Variants in PCDHGA5 observed in about 807,000 individuals in gnomAD.
PCDHGA5 encodes protocadherin gamma-A5.
A neutral mutation model predicts 56.7 loss-of-function variants in PCDHGA5; 36 were observed. The ratio of observed to expected loss-of-function variants is 0.64; its 90% CI spans 0.49 to 0.84. PCDHGA5 has a LOEUF of 0.84. Ranked by LOEUF, PCDHGA5 falls within the 40% of genes least tolerant of loss-of-function variation. The probability of loss-of-function intolerance (pLI) is 0.00; values close to 1 mark genes in which losing one functional copy is unlikely to be tolerated. For missense variants in PCDHGA5, 1,305 were observed against 1,201.5 expected (o/e 1.09, Z -1.27); for synonymous variants, 563 against 520.2 (o/e 1.08, Z -1.12).
chr5:141,471,003 C>A (rs2099246040), intron 1 of PCDHGA5, among the ~76,000 whole-genome samples: 1 of 151,658 alleles, frequency 6.6e-6, no homozygotes, highest in East Asian at 1.9e-4. Flanking sequence ...AGGCATGAGC[C>A]ACTGTGCCTG....
chr5:141,421,879 G>T (rs1458461652), intron 1 of PCDHGA5: 1 of 1,613,746 alleles, frequency 6.2e-7, no homozygotes, highest in Non-Finnish European at 8.5e-7. Context: ...AGCTTTAGAT[G>T]GAGGCGATCC....
chr5:141,385,095 G>A (rs1780850874), intron 1 of PCDHGA5: 9 of 1,614,202 alleles, frequency 5.6e-6, no homozygotes, highest in East Asian at 4.5e-5. Context: ...AAGGTGGCTT[G>A]GCGAACGTGC....
intron 1 of PCDHGA5, chr5:141,427,902 C>G: frequency 6.4e-7 from 1 of 1,573,742 alleles, no homozygotes; most frequent in South Asian, 1.1e-5. Flanking sequence ...CTCGCCCGCG[C>G]TCAGCGCCAA....
intron 1 of PCDHGA5, chr5:141,383,233 G>T: frequency 6.2e-7 from 1 of 1,613,972 alleles, no homozygotes. Flanking sequence ...CCTGATGGAA[G>T]ATAAAATGAA....
At chr5:141,383,201 G>C in intron 1 of PCDHGA5, 3 of 1,614,000 alleles carry the variant, frequency 1.9e-6, no homozygotes, top group Non-Finnish European at 2.5e-6. Flanking sequence ...CAGAGTGCGC[G>C]GTGTCTGGTA....
At position 141,431,277 on chromosome 5, in the gene PCDHGA5, G is replaced by T; in HGVS notation, c.2422-63530G>T. 6.2e-7 allele frequency: 1 copy of T among 1,614,160 alleles called. No homozygotes were observed. The highest frequency in any genetic ancestry group is 1.3e-5 in the African/African-American group (1 of 75,062). On this transcript the variant is annotated intron_variant, in intron 1 of 3. Transcript: ENST00000518069. This position sits in a 1 kb window ranked among gnomAD's most constrained non-coding sequence, Gnocchi z 4.8. ...AACTCTCTGCAGAGCTACGAGCTCAGCCCGAACACTCACTTCTCCCTCATC... is the reference window on the plus strand; with the variant it reads ...AACTCTCTGCAGAGCTACGAGCTCATCCCGAACACTCACTTCTCCCTCATC...
chr5:141,384,248 C>T (rs1443335110), intron 1 of PCDHGA5: 2 of 1,613,866 alleles, frequency 1.2e-6, no homozygotes, highest in South Asian at 2.2e-5. Flanking sequence ...GATAACCCAC[C>T]CACCTTCCCC....
chr5:141,472,980 C>CAAAAAAAAAAAAAAAAAAAGAAAAAAAAA (rs60579131), intron 1 of PCDHGA5, among the ~76,000 whole-genome samples: 1 of 86,106 alleles, frequency 1.2e-5, no homozygotes, highest in Admixed American at 1.2e-4. Context: ...GAGTGAAACT[C>CAAAAAAAAAAAAAAAAAAAGAAAAAAAAA]AAAAAAAAAA....
intron 1 of PCDHGA5, chr5:141,372,298 G>T (rs1768627083): frequency 6.2e-7 from 1 of 1,613,330 alleles, no homozygotes; most frequent in Non-Finnish European, 8.5e-7. Flanking sequence ...TTGGGCGACA[G>T]GGAGGCCGCC....
chr5:141,412,346 T>C (rs1489657145), intron 1 of PCDHGA5: 1 of 152,238 alleles, frequency 6.6e-6, no homozygotes, highest in African/African-American at 2.4e-5. Flanking sequence ...TATGTTCATT[T>C]TAGTTTGTGA....
At chr5:141,430,021 T>C (rs2097257368) in intron 1 of PCDHGA5, among the ~76,000 whole-genome samples, 1 of 152,226 alleles carries the variant, frequency 6.6e-6, no homozygotes, top group Admixed American at 6.5e-5. Context: ...TGGGTTCTTG[T>C]TAAGTGTGAT....
chr5:141,418,323 A>G, intron 1 of PCDHGA5: 2 of 1,614,004 alleles, frequency 1.2e-6, no homozygotes, highest in Non-Finnish European at 1.7e-6. Flanking sequence ...ACAATTCTTG[A>G]GTCTGCAGAA....
At chr5:141,399,705 C>G in intron 1 of PCDHGA5, 1 of 1,613,470 alleles carries the variant, frequency 6.2e-7, no homozygotes. Flanking sequence ...CCTTCGAACT[C>G]ACACTACAGG....
At chr5:141,510,860 G>A (rs1274817106) in intron 3 of PCDHGA5, 87 bp from the exon 4 acceptor site, 11 of 1,606,558 alleles carry the variant, frequency 6.8e-6, no homozygotes, top group South Asian at 4.4e-5. Context: ...GTGCTGTATA[G>A]GCATTCATTA....
intron 1 of PCDHGA5, among the ~76,000 whole-genome samples, chr5:141,482,056 G>A (rs1271837619): frequency 1.3e-5 from 2 of 149,012 alleles, no homozygotes; most frequent in Non-Finnish European, 3.0e-5. Context: ...TTGCATTCCA[G>A]CCTGGGCAAC....
intron 1 of PCDHGA5, among the ~76,000 whole-genome samples, chr5:141,460,912 G>GTGTATA (rs145509489): frequency 0.032 from 4,842 of 149,286 alleles, 90 homozygotes; most frequent in Middle Eastern, 0.083. Flanking sequence ...ATTCCATGGT[G>GTGTATA]TATATATATA....
intron 1 of PCDHGA5, among the ~76,000 whole-genome samples, chr5:141,434,490 G>A (rs566645029): frequency 2.5e-4 from 38 of 152,274 alleles, no homozygotes; most frequent in Non-Finnish European, 4.9e-4. Flanking sequence ...CACCTGGCCC[G>A]CCCAGGGCAG....
intron 1 of PCDHGA5, among the ~76,000 whole-genome samples, chr5:141,472,224 A>G (rs570743680): frequency 1.4e-4 from 21 of 152,330 alleles, no homozygotes; most frequent in African/African-American, 4.1e-4. Context: ...TCTCGATCAT[A>G]TAATACATTC....
At chr5:141,393,609 G>A (rs1428368601) in intron 1 of PCDHGA5, 2 of 1,613,940 alleles carry the variant, frequency 1.2e-6, no homozygotes, top group South Asian at 2.2e-5. Context: ...TACTGTAACA[G>A]CCAGCGACCC....
Sources: gnomAD v4.1 joint callset for allele counts (sites outside exome capture counted in the v4.1 genomes callset) on GRCh38, gnomAD v4.1.1 for gene constraint, Gnocchi (gnomAD v3.1) non-coding constraint, MANE v1.5 for transcripts, NCBI Gene and HGNC (gene_info 2026-07-23, HGNC 2026-07-21) for gene names.